Variants in TTC7B observed in about 807,000 individuals in gnomAD.
TTC7B encodes the protein tetratricopeptide repeat domain 7B, also known as tetratricopeptide repeat protein 7B.
Under a neutral mutation model 106.8 loss-of-function variants are expected in TTC7B, and 28 were observed. That is an observed-to-expected ratio of 0.26 (90% CI 0.19 to 0.36). The LOEUF is 0.36. Among genes scored for constraint, TTC7B ranks in the 10% least tolerant of loss-of-function variants. TTC7B has a pLI of 1.00. For synonymous variants in TTC7B, 405 were observed against 430.6 expected (o/e 0.94, Z 0.74); for missense variants, 862 against 1,076.4 (o/e 0.80, Z 2.79).
intron 12 of TTC7B, 98 bp downstream of exon 12, chr14:90,654,895 C>A: frequency 2.0e-6 from 2 of 983,924 alleles, no homozygotes; most frequent in South Asian, 1.4e-5. Flanking sequence ...AGCTTCTGCA[C>A]CCTCCTGAGA....
rs1165439739 is a variant in TTC7B at position 90,744,898 on chromosome 14, A to G, written c.470T>C (p.Ile157Thr). ...ATGGAGATTACTGGTAGAAGAAGAA[A>G]TAGGCAGCTTCTCCAAACAAAGTCC... is the stretch of plus-strand genomic sequence containing the variant. ...TKGLCLEKLPISSSTSNLHVD... is the reference protein window; with the variant it reads ...TKGLCLEKLPTSSSTSNLHVD... Residue 157 changes from isoleucine to threonine, a missense_variant, in exon 4 of 20, where the codon ATT becomes ACT. By Grantham distance (89) the Ile-to-Thr change is moderately conservative. Coordinates refer to ENST00000328459, the MANE Select transcript of TTC7B (RefSeq NM_001010854.2). The G allele has an allele frequency of 6.2e-7, 1 of 1,614,006 alleles. No individual in the cohort carries two copies. The highest frequency in any genetic ancestry group is 8.5e-7 in the Non-Finnish European group (1 of 1,180,012).
chr14:90,551,493 G>A (rs535376002), intron 19 of TTC7B, among the ~76,000 whole-genome samples: 28 of 152,114 alleles, frequency 1.8e-4, no homozygotes, highest in Non-Finnish European at 3.1e-4. Flanking sequence ...GTCTGCATTC[G>A]CTGAAATGTA....
chr14:90,703,462 A>AT (rs1378029700), intron 5 of TTC7B, among the ~76,000 whole-genome samples: 1 of 152,218 alleles, frequency 6.6e-6, no homozygotes, highest in Non-Finnish European at 1.5e-5. Flanking sequence ...GAGTGTGAGG[A>AT]TAAGAGTGCA....
intron 17 of TTC7B, chr14:90,593,920 G>A: frequency 3.7e-6 from 1 of 269,660 alleles, no homozygotes; most frequent in Non-Finnish European, 6.9e-6. Flanking sequence ...GATGATACTG[G>A]CGTTTAAAAA....
chr14:90,599,597 G>A (rs1354266290), intron 17 of TTC7B, among the ~76,000 whole-genome samples: 2 of 152,214 alleles, frequency 1.3e-5, no homozygotes, highest in African/African-American at 2.4e-5. Flanking sequence ...ACGATGGCAC[G>A]TGGCCACACC....
At chr14:90,717,255 C>T (rs1300248264) in intron 5 of TTC7B, among the ~76,000 whole-genome samples, 2 of 151,478 alleles carry the variant, frequency 1.3e-5, no homozygotes, top group African/African-American at 2.4e-5. Flanking sequence ...AGGAGAATGG[C>T]GTGAACCCGG....
chr14:90,772,201 C>T (rs1341354937), intron 3 of TTC7B, among the ~76,000 whole-genome samples: 1 of 151,742 alleles, frequency 6.6e-6, no homozygotes, highest in East Asian at 1.9e-4. Context: ...TCTGGAAATA[C>T]CTCCCTTCAA....
At chr14:90,743,633 G>T (rs1374625557) in intron 4 of TTC7B, among the ~76,000 whole-genome samples, 1 of 152,204 alleles carries the variant, frequency 6.6e-6, no homozygotes, top group Admixed American at 6.5e-5. Flanking sequence ...ACTGCTAGGA[G>T]CTATTGTTAT....
chr14:90,628,432 C>T (rs1452158177), intron 15 of TTC7B, among the ~76,000 whole-genome samples: 5 of 152,138 alleles, frequency 3.3e-5, no homozygotes, highest in African/African-American at 9.7e-5. Context: ...TCCACATGAC[C>T]CAGTTTGAGG....
intron 7 of TTC7B, among the ~76,000 whole-genome samples, chr14:90,682,207 C>A (rs941398210): frequency 1.1e-4 from 16 of 152,118 alleles, no homozygotes; most frequent in African/African-American, 3.6e-4. Context: ...TGTGACTTAA[C>A]AGCAGTCAAT....
In TTC7B at chr14:90,682,147, C is replaced by T. The variant is rs188417076; in HGVS notation, c.951-1612G>A. On this transcript the variant is annotated intron_variant, in intron 7 of 19. Coordinates refer to ENST00000328459, the MANE Select transcript of TTC7B (RefSeq NM_001010854.2). The stretch of plus-strand genomic sequence containing the variant: ...AATCATTTTTTTTTTCATGGCTAGC[C>T]GGTTCTGCATTATCCAGACCAATTG... 2.7e-3 allele frequency among the ~76,000 whole-genome samples: 413 copies of T among 152,220 alleles called. 3 individuals are homozygous for T. The highest frequency in any genetic ancestry group is 4.8e-3 in the Non-Finnish European group (329 of 68,016).
At chr14:90,754,899 A>C (rs1251419579) in intron 3 of TTC7B, among the ~76,000 whole-genome samples, 2 of 152,240 alleles carry the variant, frequency 1.3e-5, no homozygotes, top group African/African-American at 4.8e-5. Flanking sequence ...TGTTATAACA[A>C]ATATCAGAAC....
intron 19 of TTC7B, among the ~76,000 whole-genome samples, chr14:90,566,907 G>A (rs1004292967): frequency 3.9e-5 from 6 of 152,066 alleles, no homozygotes; most frequent in Non-Finnish European, 5.9e-5. Flanking sequence ...TGAGGCCTCC[G>A]GGAGCCAGGT....
intron 11 of TTC7B, among the ~76,000 whole-genome samples, 155 bp from the exon 12 acceptor site, chr14:90,655,265 C>A (rs1025005088): frequency 6.6e-6 from 1 of 152,190 alleles, no homozygotes; most frequent in African/African-American, 2.4e-5. Context: ...TGTTTTCTTT[C>A]TTGAGCTCTC....
chr14:90,816,368 C>A lies in TTC7B; in HGVS notation c.-73G>T. The A allele has an allele frequency of 1.2e-6, 1 of 848,606 alleles. No homozygotes were observed. 52.6% of individuals were successfully genotyped at this position (848,606 alleles called of 1,614,324 possible). Reference sequence around the variant, plus strand: ...CCGCCGCGGCGCCCCCTCGCCGCCTCCCGCCGCCGCCGCGGGCTCGGGCTC... The same window carrying A: ...CCGCCGCGGCGCCCCCTCGCCGCCTACCGCCGCCGCCGCGGGCTCGGGCTC... On this transcript the variant is annotated 5_prime_UTR_variant, in exon 1 of 20. Transcript: ENST00000328459.
intron 5 of TTC7B, among the ~76,000 whole-genome samples, chr14:90,709,662 T>C (rs1337291175): frequency 6.6e-6 from 1 of 151,804 alleles, no homozygotes; most frequent in Non-Finnish European, 1.5e-5. Context: ...ATTGTGCACA[T>C]GTACCCTAAA....
At chr14:90,670,783 G>A (rs72693586) in intron 9 of TTC7B, among the ~76,000 whole-genome samples, 8,236 of 152,160 alleles carry the variant, frequency 0.054, 328 homozygotes, top group Non-Finnish European at 0.077. Context: ...CTATTGAGCC[G>A]ACTCACAAAG....
rs545018317 is a variant in TTC7B, at chr14:90,815,318, T to G, written c.121+857A>C. Among the ~76,000 whole-genome samples the G allele has an allele frequency of 3.1e-4, 47 of 152,280 alleles. 1 individual carries two copies. In the South Asian group the frequency reaches 9.1e-3, roughly 30 times the overall value. On this transcript the variant is annotated intron_variant, in intron 1 of 19. Transcript: ENST00000328459. ...GTGGAGCTGTGCACTGGAATGGGATTCTGGATGCAATTTTATTTGATTGGG... is the reference window on the plus strand; with the variant it reads ...GTGGAGCTGTGCACTGGAATGGGATGCTGGATGCAATTTTATTTGATTGGG...
At chr14:90,723,356 G>A (rs975938199) in intron 5 of TTC7B, among the ~76,000 whole-genome samples, 3 of 152,166 alleles carry the variant, frequency 2.0e-5, no homozygotes, top group African/African-American at 7.2e-5. Flanking sequence ...TCACCACCTA[G>A]TATCACCTAC....
Sources: allele counts gnomAD v4.1 joint callset (sites outside exome capture counted in the v4.1 genomes callset), GRCh38; gene constraint gnomAD v4.1.1; transcripts MANE v1.5; gene names NCBI Gene and HGNC (gene_info 2026-07-23, HGNC 2026-07-21).